Variants in FAT3 observed in about 807,000 individuals in gnomAD.
The protein encoded by FAT3 is FAT atypical cadherin 3, also known as protocadherin Fat 3.
FAT3 carries 95 observed loss-of-function variants against 310.2 expected under a neutral mutation model. That is an observed-to-expected ratio of 0.31 (90% CI 0.26 to 0.36). The LOEUF (loss-of-function observed/expected upper bound fraction) is 0.36, where lower values mean the gene tolerates loss of function less well. Ranked by LOEUF, FAT3 falls within the 10% of genes least tolerant of loss-of-function variation. The pLI is 1.00. For synonymous variants in FAT3, 2,314 were observed against 2,192.9 expected (o/e 1.06, Z -1.54); for missense variants, 5,408 against 5,715.6 (o/e 0.95, Z 1.74).
At chr11:92,499,110 A>G (rs1422782001) in intron 2 of FAT3, among the ~76,000 whole-genome samples, 3 of 152,014 alleles carry the variant, frequency 2.0e-5, no homozygotes, top group African/African-American at 7.2e-5. Flanking sequence ...TCTGCACCCT[A>G]CCTTGTGCTG....
chr11:92,354,081 G>C lies in FAT3; in HGVS notation c.1969G>C (p.Asp657His). 1 of 1,613,716 alleles carries C rather than the reference G, an allele frequency of 6.2e-7. No individual in the cohort carries two copies. The highest frequency in any genetic ancestry group is 1.1e-5 in the South Asian group (1 of 91,068). ...GNFALRITAT[D>H]GENLADPMSI... ...TTTTGCCCTCAGAATTACAGCAACT[G>C]ATGGAGAGAATCTTGCAGACCCCAT... Residue 657 changes from aspartate (D) to histidine (H), a missense_variant, in exon 2 of 28, where the codon GAT becomes CAT. Coordinates refer to ENST00000525166, the MANE Select transcript of FAT3 (RefSeq NM_001367949.2).
In FAT3 at chr11:92,607,488, C is replaced by CT. The variant is rs371076937; in HGVS notation, c.3607+82543dup. Among the ~76,000 whole-genome samples, 277 of 152,158 alleles carry CT rather than the reference C, an allele frequency of 1.8e-3. 3 individuals carry two copies. Among genetic ancestry groups the CT allele is most frequent in the African/African-American group, 6.3e-3 (261 of 41,506 alleles). On this transcript the variant is annotated intron_variant, in intron 3 of 27. Transcript: ENST00000525166. ...CAGAAAATTTTGCCTTCTGAGGGGA[C>CT]TTTATCTGCCTTCCCTCACTGCTTT... is the stretch of plus-strand genomic sequence containing the variant.
At chr11:92,594,284 A>G (rs1226482322) in intron 3 of FAT3, among the ~76,000 whole-genome samples, 5 of 152,142 alleles carry the variant, frequency 3.3e-5, no homozygotes, top group African/African-American at 4.8e-5. Context: ...CTCTACTAAA[A>G]TTACAAAAAT....
intron 2 of FAT3, among the ~76,000 whole-genome samples, chr11:92,377,314 G>A (rs1479074914): frequency 1.3e-5 from 2 of 152,176 alleles, no homozygotes; most frequent in African/African-American, 4.8e-5. Flanking sequence ...TTTTTCAAAT[G>A]AGGATACTGA....
chr11:92,764,937 A>G lies in FAT3; in HGVS notation c.4043A>G (p.Glu1348Gly). 4 of 1,613,868 alleles carry G rather than the reference A, an allele frequency of 2.5e-6. No homozygotes were observed. Among genetic ancestry groups the G allele is most frequent in the Non-Finnish European group, 3.4e-6 (4 of 1,179,862 alleles). The change falls in exon 6 of 28, where the codon GAA (glutamate) becomes GGA (glycine). Residue 1348 changes from glutamate to glycine, a missense_variant. Glu to Gly is a moderately conservative substitution (Grantham distance 98). Coordinates refer to ENST00000525166, the MANE Select transcript of FAT3 (RefSeq NM_001367949.2). ...QKSSTARLHI[E>G]WIKKPPPSPI... is the part of the protein sequence containing the mutation. Reference sequence around the variant, plus strand: ...TCCTCCACGGCCCGCCTCCACATTGAATGGATTAAGAAACCACCCCCTTCA... The same window carrying G: ...TCCTCCACGGCCCGCCTCCACATTGGATGGATTAAGAAACCACCCCCTTCA...
At chr11:92,466,658 T>C (rs1951767756) in intron 2 of FAT3, among the ~76,000 whole-genome samples, 1 of 151,644 alleles carries the variant, frequency 6.6e-6, no homozygotes, top group African/African-American at 2.4e-5. Context: ...TGTATACATG[T>C]GCCATGCTGG....
At chr11:92,772,385 A>G (rs1946481622) in intron 6 of FAT3, among the ~76,000 whole-genome samples, 1 of 151,980 alleles carries the variant, frequency 6.6e-6, no homozygotes, top group African/African-American at 2.4e-5. Context: ...TTTGCTCATG[A>G]AGATGGTTTT....
chr11:92,828,460 TG>T (rs1367661985), intron 13 of FAT3, among the ~76,000 whole-genome samples: 1 of 152,190 alleles, frequency 6.6e-6, no homozygotes, highest in East Asian at 1.9e-4. Context: ...TTTTTTGTCC[TG>T]GGTCTCCCCC....
intron 2 of FAT3, among the ~76,000 whole-genome samples, chr11:92,488,530 T>G (rs1368700341): frequency 7.9e-6 from 1 of 127,264 alleles, no homozygotes; most frequent in Non-Finnish European, 1.6e-5. Flanking sequence ...ATAAGAAGAT[T>G]CCAGAGGTCA....
intron 2 of FAT3, among the ~76,000 whole-genome samples, chr11:92,408,536 A>G (rs896062338): frequency 6.6e-6 from 1 of 152,222 alleles, no homozygotes; most frequent in African/African-American, 2.4e-5. Flanking sequence ...AAATAAGTGT[A>G]TGAAACACCT....
chr11:92,441,421 A>G (rs964256406), intron 2 of FAT3, among the ~76,000 whole-genome samples: 3 of 152,230 alleles, frequency 2.0e-5, no homozygotes, highest in Admixed American at 6.5e-5. Context: ...TGAATAATCA[A>G]AAGCAGTAAA....
At chr11:92,488,450 G>GCACC (rs1952494644) in intron 2 of FAT3, among the ~76,000 whole-genome samples, 1 of 9,334 alleles carries the variant, frequency 1.1e-4, no homozygotes, top group Non-Finnish European at 3.2e-4. Context: ...AACTAGCACC[G>GCACC]CCCCCCCCCC....
At chr11:92,526,270 A>G (rs1159856229) in intron 3 of FAT3, among the ~76,000 whole-genome samples, 3 of 152,224 alleles carry the variant, frequency 2.0e-5, no homozygotes, top group Non-Finnish European at 4.4e-5. Context: ...TCCTTAGAAC[A>G]TAGCCACAGA....
At chr11:92,857,063 T>C (rs1189766789) in intron 19 of FAT3, 151 bp from the exon 20 acceptor site, 1 of 1,128,020 alleles carries the variant, frequency 8.9e-7, no homozygotes, top group South Asian at 1.4e-5. Context: ...GTGTGCCTAC[T>C]TCTGAGTGGC....
At chr11:92,793,959 G>T (rs573688784) in intron 9 of FAT3, among the ~76,000 whole-genome samples, 40 of 152,048 alleles carry the variant, frequency 2.6e-4, no homozygotes, top group African/African-American at 9.6e-4. Flanking sequence ...TTCTTTCATT[G>T]AATGATAACT....
At chr11:92,315,508 T>TAGAGAG (rs1456432670) in intron 1 of FAT3, among the ~76,000 whole-genome samples, 123 of 83,280 alleles carry the variant, frequency 1.5e-3, no homozygotes, top group Non-Finnish European at 2.1e-3. Flanking sequence ...TATATATATA[T>TAGAGAG]ATATAGAGAG....
At chr11:92,675,768 T>A (rs1672811794) in intron 3 of FAT3, among the ~76,000 whole-genome samples, 1 of 152,232 alleles carries the variant, frequency 6.6e-6, no homozygotes, top group South Asian at 2.1e-4. Context: ...TATTCTCCGC[T>A]AAGAACCATT....
At chr11:92,588,227 G>T (rs961274994) in intron 3 of FAT3, among the ~76,000 whole-genome samples, 5 of 151,666 alleles carry the variant, frequency 3.3e-5, no homozygotes, top group African/African-American at 1.2e-4. Flanking sequence ...TAGACCAACA[G>T]TGTTCCTAAT....
At position 92,354,245 on chromosome 11, in the gene FAT3, A is replaced by G. The variant is rs373882316; in HGVS notation, c.2133A>G (p.Gly711=). ...ATGGGAAACTGAATCTGGAAGATGGATTTCTTGACTTTTATTCAATTAATA... is the reference window on the plus strand; with the variant it reads ...ATGGGAAACTGAATCTGGAAGATGGGTTTCTTGACTTTTATTCAATTAATA... The part of the protein sequence containing the change: ...KANGKLNLED[G]FLDFYSINRQ... Residue 711 remains glycine (G), a synonymous_variant, in exon 2 of 28, where the codon GGA becomes GGG. Transcript: ENST00000525166. The G allele has an allele frequency of 7.0e-4, 1,131 of 1,613,706 alleles. 14 individuals carry two copies. The South Asian group carries it at 0.011, about 16-fold the overall frequency.
Sources: allele counts gnomAD v4.1 joint callset (sites outside exome capture counted in the v4.1 genomes callset), GRCh38; gene constraint gnomAD v4.1.1; transcripts MANE v1.5; gene names NCBI Gene and HGNC (gene_info 2026-07-23, HGNC 2026-07-21).